The following SLCO5A1 variants were observed in gnomAD, a reference collection of about 807,000 sequenced individuals.
The protein encoded by SLCO5A1 is organic anion transporter polypeptide-related protein 4.
SLCO5A1 carries 39 observed loss-of-function variants against 65.1 expected under a neutral mutation model. The observed-to-expected ratio is 0.60, with a 90% CI of 0.46 to 0.78. The LOEUF is 0.78. SLCO5A1 is among the 30% of genes least tolerant of loss of function. The pLI is 0.00. For synonymous variants in SLCO5A1, 438 were observed against 415.7 expected (o/e 1.05, Z -0.65); for missense variants, 1,029 against 1,069.4 (o/e 0.96, Z 0.53).
rs142016452 is a variant in SLCO5A1, at chr8:69,822,769, C to T, written c.907+8998G>A. Among the ~76,000 whole-genome samples, 315 of 152,332 alleles carry T rather than the reference C, an allele frequency of 2.1e-3. 2 individuals are homozygous for T. The highest frequency in any genetic ancestry group is 7.2e-3 in the African/African-American group (301 of 41,584). ...GTAGTAATCCCCAGGTGGAAACAGG[C>T]TGGGAGAAGCCAAGGGGTTTGTCTG... is the stretch of plus-strand genomic sequence containing the variant. On this transcript the variant is annotated intron_variant, in intron 2 of 9. Coordinates refer to ENST00000260126, the MANE Select transcript of SLCO5A1 (RefSeq NM_030958.3).
intron 2 of SLCO5A1, among the ~76,000 whole-genome samples, chr8:69,819,371 C>T (rs921636439): frequency 2.2e-4 from 34 of 151,752 alleles, no homozygotes; most frequent in Non-Finnish European, 4.4e-4. Context: ...CAGGCAGGCA[C>T]ACTGCTTGGG....
chr8:69,684,235 C>A (rs916278856), intron 6 of SLCO5A1, among the ~76,000 whole-genome samples: 6 of 152,120 alleles, frequency 3.9e-5, no homozygotes, highest in East Asian at 1.9e-4. Context: ...TCAATTTTGC[C>A]CCCCCAGGGG....
intron 2 of SLCO5A1, among the ~76,000 whole-genome samples, chr8:69,813,126 C>T (rs996944684): frequency 1.3e-5 from 2 of 152,120 alleles, no homozygotes. Flanking sequence ...AATTGATTTA[C>T]AGCCAGGAAG....
At chr8:69,784,811 A>AAGAAAGAAAG (rs1554620797) in intron 2 of SLCO5A1, among the ~76,000 whole-genome samples, 9 of 70,948 alleles carry the variant, frequency 1.3e-4, no homozygotes, top group African/African-American at 7.0e-4. Flanking sequence ...GAAAGAAAGA[A>AAGAAAGAAAG]AAAGAAAGAA....
At chr8:69,804,115 C>T (rs572168372) in intron 2 of SLCO5A1, among the ~76,000 whole-genome samples, 1 of 152,010 alleles carries the variant, frequency 6.6e-6, no homozygotes, top group Admixed American at 6.6e-5. Flanking sequence ...TGGGAGCAAG[C>T]GAGAGACCAT....
chr8:69,704,108 G>A (rs116021350), intron 6 of SLCO5A1, among the ~76,000 whole-genome samples: 355 of 152,076 alleles, frequency 2.3e-3, no homozygotes, highest in African/African-American at 8.0e-3. Context: ...ACTATGTTGC[G>A]CAGGCTGGTC....
intron 6 of SLCO5A1, among the ~76,000 whole-genome samples, chr8:69,696,053 A>G (rs536108520): frequency 6.6e-6 from 1 of 152,352 alleles, no homozygotes; most frequent in South Asian, 2.1e-4. Flanking sequence ...ATACATTTGT[A>G]ATGGAGCCAA....
intron 4 of SLCO5A1, among the ~76,000 whole-genome samples, chr8:69,746,815 C>A (rs775113353): frequency 4.8e-4 from 73 of 152,286 alleles, no homozygotes; most frequent in Non-Finnish European, 8.2e-4. Flanking sequence ...TGCCAGCCAG[C>A]GAGAGACTGC....
At chr8:69,760,521 T>A (rs955996402) in intron 3 of SLCO5A1, among the ~76,000 whole-genome samples, 14 of 152,348 alleles carry the variant, frequency 9.2e-5, no homozygotes, top group South Asian at 4.1e-4. Flanking sequence ...CTCTAAGACA[T>A]TTTTTAGAAA....
At position 69,806,606 on chromosome 8, in the gene SLCO5A1, G is replaced by T. The variant is rs536792520; in HGVS notation, c.907+25161C>A. Among the ~76,000 whole-genome samples, 6 of 152,310 alleles carry T rather than the reference G, an allele frequency of 3.9e-5. No homozygotes were observed. In the East Asian group the frequency reaches 1.2e-3, roughly 29 times the overall value. On this transcript the variant is annotated intron_variant, in intron 2 of 9. Transcript: ENST00000260126. ...AGACCGCAGAGGAACACGTGCAGGAGCAAGCCTAACATCCAGGCTCAGGCT... is the reference window on the plus strand; with the variant it reads ...AGACCGCAGAGGAACACGTGCAGGATCAAGCCTAACATCCAGGCTCAGGCT...
Position 69,761,786 on chromosome 8 carries a change from G to T in SLCO5A1, c.997C>A (p.Pro333Thr), listed in dbSNP as rs140940538. The T allele has an allele frequency of 2.0e-5, 33 of 1,613,860 alleles. No homozygotes were observed. Among genetic ancestry groups the T allele is most frequent in the Middle Eastern group, 3.3e-4 (2 of 6,082 alleles). ...GGGTCATTCTGGTCAAGGTGAACAG[G>T]ATTTCTGGGATCAACATAAAAACCA... Reference protein sequence around the residue: ...LIGFYVDPRNPVHLDQNDPRF... With the variant: ...LIGFYVDPRNTVHLDQNDPRF... Residue 333 changes from proline (P) to threonine (T), a missense_variant, in exon 3 of 10, where the codon CCT becomes ACT. By Grantham distance (38) the Pro-to-Thr change is conservative. Transcript: ENST00000260126.
intron 9 of SLCO5A1, among the ~76,000 whole-genome samples, chr8:69,674,870 C>CAAA (rs11378444): frequency 7.3e-6 from 1 of 137,642 alleles, no homozygotes; most frequent in African/African-American, 2.9e-5. Context: ...AAAAAAAAAA[C>CAAA]AAAAAAAAAA....
chr8:69,702,480 G>A (rs1461377807), intron 6 of SLCO5A1, among the ~76,000 whole-genome samples: 1 of 150,882 alleles, frequency 6.6e-6, no homozygotes, highest in Non-Finnish European at 1.5e-5. Flanking sequence ...CTATCAAGAA[G>A]CCACATACCC....
chr8:69,682,379 T>TA, intron 6 of SLCO5A1, 36 bp from the exon 7 acceptor site: 1 of 1,481,874 alleles, frequency 6.7e-7, no homozygotes, highest in South Asian at 1.4e-5. Flanking sequence ...GAGCAACACT[T>TA]ACCAAAATAA....
intron 8 of SLCO5A1, 59 bp from the exon 9 acceptor site, chr8:69,676,732 T>C: frequency 2.0e-6 from 3 of 1,484,300 alleles, no homozygotes; most frequent in Non-Finnish European, 2.8e-6. Context: ...AAAATGAATG[T>C]CAAATCAAGT....
intron 5 of SLCO5A1, among the ~76,000 whole-genome samples, chr8:69,735,204 G>C (rs533985312): frequency 6.6e-6 from 1 of 152,282 alleles, no homozygotes; most frequent in South Asian, 2.1e-4. Context: ...AAATAGGAAC[G>C]CTTTTACACT....
At chr8:69,812,861 A>G (rs1820264966) in intron 2 of SLCO5A1, among the ~76,000 whole-genome samples, 1 of 152,210 alleles carries the variant, frequency 6.6e-6, no homozygotes, top group African/African-American at 2.4e-5. Context: ...TCTTTAAGGA[A>G]GTCTTTCTCA....
rs1041124305 is a variant in SLCO5A1, at chr8:69,701,800, C to T, written c.1622+3231G>A. 2.6e-5 allele frequency among the ~76,000 whole-genome samples: 4 copies of T among 152,124 alleles called. No homozygotes were observed. The East Asian group carries it at 7.7e-4, about 29-fold the overall frequency. On this transcript the variant is annotated intron_variant, in intron 6 of 9. Coordinates refer to ENST00000260126, the MANE Select transcript of SLCO5A1 (RefSeq NM_030958.3). ...CTCAGGACCTCCTGAGGGCTGTGTCCCAGGCCATAGTCATTCATATTTGGC... is the reference window on the plus strand; with the variant it reads ...CTCAGGACCTCCTGAGGGCTGTGTCTCAGGCCATAGTCATTCATATTTGGC...
intron 3 of SLCO5A1, 80 bp from the exon 4 acceptor site, chr8:69,755,721 G>A: frequency 1.5e-6 from 2 of 1,341,940 alleles, no homozygotes; most frequent in Non-Finnish European, 2.0e-6. Context: ...AGAAGTTTGT[G>A]GTGAAAAAAT....
Sources: allele counts gnomAD v4.1 joint callset (sites outside exome capture counted in the v4.1 genomes callset), GRCh38; gene constraint gnomAD v4.1.1; transcripts MANE v1.5; gene names NCBI Gene and HGNC (gene_info 2026-07-23, HGNC 2026-07-21).